The following SNX29 variants were observed in gnomAD, a reference collection of about 807,000 sequenced individuals.
The protein encoded by SNX29 is sorting nexin-29.
In SNX29, 78 loss-of-function variants were observed where a neutral mutation model predicts 102.1. The observed-to-expected ratio is 0.76, with a 90% CI of 0.64 to 0.92. SNX29 has a LOEUF of 0.92. Ranked by LOEUF, SNX29 falls within the 40% of genes least tolerant of loss-of-function variation. The pLI is 0.00. For synonymous variants in SNX29, 580 were observed against 414.5 expected (o/e 1.40, Z -4.85); for missense variants, 1,280 against 1,061.7 (o/e 1.21, Z -2.86).
intron 20 of SNX29, among the ~76,000 whole-genome samples, chr16:12,542,255 T>G (rs1205800727): frequency 1.4e-5 from 2 of 144,268 alleles, no homozygotes; most frequent in African/African-American, 4.9e-5. Context: ...CCTTTATAGA[T>G]GAGGAAATTG....
At chr16:12,029,227 A>G (rs539322493) in intron 4 of SNX29, among the ~76,000 whole-genome samples, 5 of 152,178 alleles carry the variant, frequency 3.3e-5, no homozygotes, top group East Asian at 3.9e-4. Flanking sequence ...GAGTTGTTCA[A>G]TAAACACACA....
At chr16:12,513,448 C>T (rs2089725278) in intron 19 of SNX29, among the ~76,000 whole-genome samples, 1 of 152,008 alleles carries the variant, frequency 6.6e-6, no homozygotes, top group African/African-American at 2.4e-5. Context: ...CCCTGCGCTG[C>T]CTTCCTCTGC....
chr16:12,444,837 T>C (rs2085973263), intron 18 of SNX29, among the ~76,000 whole-genome samples: 2 of 83,068 alleles, frequency 2.4e-5, no homozygotes, highest in Admixed American at 2.3e-4. Flanking sequence ...ACAGTGTTTT[T>C]TTTTGTTTTT....
chr16:12,500,053 G>A (rs1426638067), intron 19 of SNX29, among the ~76,000 whole-genome samples: 1 of 151,958 alleles, frequency 6.6e-6, no homozygotes, highest in Non-Finnish European at 1.5e-5. Flanking sequence ...GTACAGTGGC[G>A]TGATCATAGC....
chr16:12,016,062 A>C (rs533371729), intron 3 of SNX29, among the ~76,000 whole-genome samples: 35 of 150,174 alleles, frequency 2.3e-4, no homozygotes, highest in African/African-American at 8.3e-4. Flanking sequence ...ACGGGATTTC[A>C]CCATGTTGGC....
Position 12,206,517 on chromosome 16 carries a change from C to T in SNX29, c.1678+6834C>T, listed in dbSNP as rs1401895547. Among the ~76,000 whole-genome samples the T allele has an allele frequency of 4.6e-5, 7 of 152,024 alleles. No homozygotes were observed. In the East Asian group the frequency reaches 7.7e-4, roughly 17 times the overall value. Reference sequence around the variant, plus strand: ...GTTTGCAGAGTTGGAAAGAGATGCACGCAGTTAGCTCCCATGAGTCAGTAC... The same window carrying T: ...GTTTGCAGAGTTGGAAAGAGATGCATGCAGTTAGCTCCCATGAGTCAGTAC... On this transcript the variant is annotated intron_variant, in intron 14 of 20. Transcript: ENST00000566228.
intron 20 of SNX29, among the ~76,000 whole-genome samples, chr16:12,536,890 C>A (rs2865230): frequency 6.6e-6 from 1 of 152,038 alleles, no homozygotes; most frequent in East Asian, 1.9e-4. Flanking sequence ...GCAAGATAAT[C>A]GCTTGAGCCC....
intron 19 of SNX29, among the ~76,000 whole-genome samples, chr16:12,505,707 G>C (rs1291491315): frequency 7.8e-6 from 1 of 127,610 alleles, no homozygotes; most frequent in African/African-American, 3.0e-5. Context: ...CATTAGTTTG[G>C]CTTCTCTGGG....
chr16:12,568,004 T>A (rs765679546), intron 20 of SNX29, among the ~76,000 whole-genome samples: 1 of 152,154 alleles, frequency 6.6e-6, no homozygotes, highest in Non-Finnish European at 1.5e-5. Context: ...TTAAACACAA[T>A]ACCATGCCAA....
intron 18 of SNX29, among the ~76,000 whole-genome samples, chr16:12,447,885 G>T (rs997753353): frequency 2.0e-5 from 3 of 152,080 alleles, no homozygotes; most frequent in African/African-American, 7.2e-5. Flanking sequence ...TTGCTGGCAC[G>T]GTTGTCAGGA....
At chr16:12,352,705 T>C (rs1192657189) in intron 15 of SNX29, among the ~76,000 whole-genome samples, 1 of 152,224 alleles carries the variant, frequency 6.6e-6, no homozygotes, top group Non-Finnish European at 1.5e-5. Context: ...GGTGGTGTCC[T>C]TGGGCCTTTT....
intron 13 of SNX29, among the ~76,000 whole-genome samples, chr16:12,153,472 AC>A (rs199942835): frequency 6.8e-6 from 1 of 146,324 alleles, no homozygotes; most frequent in East Asian, 2.0e-4. Flanking sequence ...AAAAAAAAAA[AC>A]AAAAAACAAA....
At chr16:12,089,803 T>A (rs769905329) in intron 11 of SNX29, 9 of 364,332 alleles carry the variant, frequency 2.5e-5, no homozygotes, top group Non-Finnish European at 5.3e-6. Context: ...GAAGCCTGCT[T>A]GCCACGCAGA....
chr16:12,431,969 C>T (rs534169569), intron 18 of SNX29, among the ~76,000 whole-genome samples: 2 of 152,216 alleles, frequency 1.3e-5, no homozygotes, highest in Non-Finnish European at 2.9e-5. Flanking sequence ...TGGGGATATA[C>T]TCAGGAGGCC....
chr16:12,552,268 C>T (rs909943643), intron 20 of SNX29, among the ~76,000 whole-genome samples: 11 of 152,194 alleles, frequency 7.2e-5, no homozygotes, highest in African/African-American at 2.7e-4. Context: ...CTCGTAAGCC[C>T]TGGCCAGTTA....
At chr16:12,567,770 C>T (rs746046905) in intron 20 of SNX29, among the ~76,000 whole-genome samples, 11 of 152,128 alleles carry the variant, frequency 7.2e-5, no homozygotes, top group Non-Finnish European at 1.3e-4. Context: ...CCAGAAAATA[C>T]AATTTTGAAA....
At chr16:12,284,459 C>T (rs1479114487) in intron 15 of SNX29, among the ~76,000 whole-genome samples, 6 of 152,222 alleles carry the variant, frequency 3.9e-5, no homozygotes, top group African/African-American at 1.4e-4. Context: ...GCTTCCCTCT[C>T]CACCATAGCG....
intron 14 of SNX29, among the ~76,000 whole-genome samples, chr16:12,221,905 C>G (rs2077488975): frequency 6.6e-6 from 1 of 152,190 alleles, no homozygotes; most frequent in Middle Eastern, 3.2e-3. Flanking sequence ...TATTCCAGGG[C>G]ACTGTCACTG....
chr16:12,496,719 C>A (rs1036090295), intron 19 of SNX29, among the ~76,000 whole-genome samples: 13 of 152,004 alleles, frequency 8.6e-5, no homozygotes, highest in Admixed American at 5.2e-4. Flanking sequence ...CCATGTTGGC[C>A]AGGCCGATCT....
Sources: gnomAD v4.1 joint callset for allele counts (sites outside exome capture counted in the v4.1 genomes callset) on GRCh38, gnomAD v4.1.1 for gene constraint, MANE v1.5 for transcripts, NCBI Gene and HGNC (gene_info 2026-07-23, HGNC 2026-07-21) for gene names.